The following COL17A1 variants were observed in gnomAD, a reference collection of about 807,000 sequenced individuals.
The protein encoded by COL17A1 is collagen alpha-1(XVII) chain.
COL17A1 carries 181 observed loss-of-function variants against 218.4 expected under a neutral mutation model. The observed-to-expected ratio is 0.83, with a 90% CI of 0.73 to 0.94. The LOEUF is 0.94. Ranked by LOEUF, COL17A1 falls within the 40% of genes least tolerant of loss-of-function variation. The pLI is 0.00. For missense variants in COL17A1, 1,924 were observed against 1,945.9 expected (o/e 0.99, Z 0.21); for synonymous variants, 721 against 731.0 (o/e 0.99, Z 0.22).
At chr10:104,049,681 C>T (rs924169125) in intron 28 of COL17A1, among the ~76,000 whole-genome samples, 3 of 152,204 alleles carry the variant, frequency 2.0e-5, no homozygotes, top group Non-Finnish European at 4.4e-5. Context: ...GTCTTATTTC[C>T]TTGGAAACTG....
chr10:104,053,229 C>T (rs1483468096), intron 22 of COL17A1, 94 bp from the exon 23 acceptor site: 1 of 1,419,802 alleles, frequency 7.0e-7, no homozygotes, highest in East Asian at 2.3e-5. Context: ...TTGCCTGGAG[C>T]CCTTCCCTGG....
chr10:104,053,116 G>T lies in COL17A1; in HGVS notation c.1854C>A (p.Gly618=), dbSNP rs776835387. The T allele has an allele frequency of 1.2e-6, 2 of 1,613,334 alleles. No homozygotes were observed. The highest frequency in any genetic ancestry group is 8.5e-7 in the Non-Finnish European group (1 of 1,180,032). The change falls in exon 23 of 56, where the codon GGC becomes GGA. Residue 618 remains glycine (G), a synonymous_variant. Coordinates refer to ENST00000648076, the MANE Select transcript of COL17A1 (RefSeq NM_000494.4). ...CTTCTCGCCCTCTCTGGCCCATGGG[G>T]CCTTCCATGCCAGGATCTCCTAAAG... The part of the protein sequence containing the change: ...KGSVGDPGME[G]PMGQRGREGP...
chr10:104,039,701 G>C (rs892617839), intron 41 of COL17A1, 61 bp from the exon 42 acceptor site: 123 of 1,611,372 alleles, frequency 7.6e-5, no homozygotes, highest in Non-Finnish European at 9.6e-5. Flanking sequence ...TAACAGCCCT[G>C]TAGAGCCTCC....
At chr10:104,069,018 A>G (rs1371221303) in intron 9 of COL17A1, among the ~76,000 whole-genome samples, 1 of 152,224 alleles carries the variant, frequency 6.6e-6, no homozygotes, top group Non-Finnish European at 1.5e-5. Flanking sequence ...GTGTGATGCA[A>G]TACTAAAAAA....
rs1188194788 is a variant in COL17A1, at chr10:104,074,074, A to G, written c.379+110T>C. On this transcript the variant is annotated intron_variant, in intron 6 of 55. Transcript: ENST00000648076. Reference sequence around the variant, plus strand: ...GTCAGCAGGGGTCAAACTCTTTTAGAAGAATCCATTTAACTCATGAGGTCC... The same window carrying G: ...GTCAGCAGGGGTCAAACTCTTTTAGGAGAATCCATTTAACTCATGAGGTCC... 1.9e-6 allele frequency: 3 copies of G among 1,556,036 alleles called. No individual in the cohort carries two copies. In the African/African-American group the frequency reaches 4.1e-5, roughly 21 times the overall value.
chr10:104,053,785 G>T, intron 22 of COL17A1, 135 bp downstream of exon 22: 1 of 707,524 alleles, frequency 1.4e-6, no homozygotes, highest in Non-Finnish European at 2.6e-6. Context: ...ACAACAGCAG[G>T]GTTTCTCTGT....
intron 48 of COL17A1, 53 bp downstream of exon 48, chr10:104,036,439 C>T: frequency 6.2e-7 from 1 of 1,611,990 alleles, no homozygotes; most frequent in South Asian, 1.1e-5. Flanking sequence ...GCTGCGAGTC[C>T]TCATCCCAGT....
intron 4 of COL17A1, 74 bp downstream of exon 4, chr10:104,077,348 T>C: frequency 8.6e-7 from 1 of 1,163,090 alleles, no homozygotes; most frequent in African/African-American, 1.5e-5. Context: ...CCCTGTGTCC[T>C]GTGTAGGACT....
At chr10:104,059,416 C>T (rs2086561111) in intron 15 of COL17A1, 2 of 595,834 alleles carry the variant, frequency 3.4e-6, no homozygotes, top group Non-Finnish European at 6.0e-6. Flanking sequence ...GCTTTTGCTT[C>T]AGTAATGCAA....
At chr10:104,055,120 C>T (rs746891981) in intron 19 of COL17A1, 113 bp from the exon 20 acceptor site, 123 of 1,554,188 alleles carry the variant, frequency 7.9e-5, no homozygotes, top group South Asian at 5.6e-4. Flanking sequence ...CAAGGTGAGG[C>T]GACATGCGGC....
chr10:104,034,071 C>T lies in COL17A1; in HGVS notation c.4030G>A (p.Gly1344Ser), dbSNP rs1414816184. 1.2e-6 allele frequency: 2 copies of T among 1,614,156 alleles called. No individual in the cohort carries two copies. Among genetic ancestry groups the T allele is most frequent in the African/African-American group, 1.3e-5 (1 of 75,062 alleles). Residue 1344 changes from glycine to serine, a missense_variant, in exon 52 of 56, where the codon GGC becomes AGC. Physicochemically the swap from Gly to Ser is moderately conservative, Grantham distance 56. Coordinates refer to ENST00000648076, the MANE Select transcript of COL17A1 (RefSeq NM_000494.4). ...RGPYGTDIGPGGGYGAAAEGG... is the reference protein window; with the variant it reads ...RGPYGTDIGPSGGYGAAAEGG... ...TCTGCTGCTGCCCCATAGCCTCCGC[C>T]TGGGCCGATGTCAGTGCCATAGGGA...
chr10:104,069,532 G>A (rs184365077), intron 9 of COL17A1, among the ~76,000 whole-genome samples: 31 of 152,254 alleles, frequency 2.0e-4, no homozygotes, highest in African/African-American at 6.7e-4. Flanking sequence ...ATGTCTCCCA[G>A]TAGCACTCCT....
At chr10:104,071,956 GCACA>G (rs112689627) in intron 8 of COL17A1, 72 bp downstream of exon 8, 260 of 1,398,134 alleles carry the variant, frequency 1.9e-4, no homozygotes, top group South Asian at 7.5e-4. Flanking sequence ...ACACACGCAT[GCACA>G]CACACACACA....
intron 48 of COL17A1, among the ~76,000 whole-genome samples, chr10:104,035,909 GGAGT>G (rs2086280395): frequency 6.1e-5 from 1 of 16,516 alleles, no homozygotes; most frequent in South Asian, 1.6e-3. Context: ...CGTGTGTATG[GGAGT>G]GTGTATGAGT....
chr10:104,044,676 G>A (rs778199932), intron 33 of COL17A1, among the ~76,000 whole-genome samples: 27 of 152,272 alleles, frequency 1.8e-4, no homozygotes, highest in Admixed American at 3.9e-4. Flanking sequence ...AGTTTGTTTT[G>A]TTGGGATGCA....
At position 104,038,492 on chromosome 10, in the gene COL17A1, G is replaced by A. The variant is rs2086325357; in HGVS notation, c.2984C>T (p.Pro995Leu). Residue 995 changes from proline to leucine, a missense_variant, in exon 45 of 56, where the codon CCA (proline) becomes CTA (leucine). Coordinates refer to ENST00000648076, the MANE Select transcript of COL17A1 (RefSeq NM_000494.4). ...AGGCCCAGGGGGCCCAGGGGGCCCTGGCGGGCCTGACACGTACATGGTACT... is the reference window on the plus strand; with the variant it reads ...AGGCCCAGGGGGCCCAGGGGGCCCTAGCGGGCCTGACACGTACATGGTACT... ...SSSTMYVSGP[P>L]GPPGPPGPPG... The A allele has an allele frequency of 3.7e-6, 6 of 1,613,750 alleles. No individual in the cohort carries two copies. The highest frequency in any genetic ancestry group is 5.1e-6 in the Non-Finnish European group (6 of 1,179,944).
intron 14 of COL17A1, 40 bp from the exon 15 acceptor site, chr10:104,059,758 T>C (rs1222213505): frequency 1.3e-6 from 2 of 1,583,964 alleles, no homozygotes; most frequent in Non-Finnish European, 1.7e-6. Flanking sequence ...TATTCTCTTC[T>C]CAACCTCTCA....
intron 11 of COL17A1, 169 bp downstream of exon 11, chr10:104,063,578 T>G (rs1385761476): frequency 9.4e-7 from 1 of 1,063,804 alleles, no homozygotes; most frequent in African/African-American, 1.6e-5. Flanking sequence ...GACTTTTCCC[T>G]TGGGGTCTGA....
Position 104,064,457 on chromosome 10 carries a change from A to T in COL17A1, c.747T>A (p.Asn249Lys), listed in dbSNP as rs1415947819. ...TTQSSSLLNT[N>K]AYSAGSVFGV... The stretch of plus-strand genomic sequence containing the variant: ...AGGTACCTGATCCCGCAGAGTAGGC[A>T]TTGGTGTTGAGGAGGGATGAGCTCT... Residue 249 changes from asparagine (N) to lysine (K), a missense_variant, in exon 10 of 56, where the codon AAT becomes AAA. Transcript: ENST00000648076. 3 of 1,614,146 alleles carry T rather than the reference A, an allele frequency of 1.9e-6. No homozygotes were observed. The highest frequency in any genetic ancestry group is 2.5e-6 in the Non-Finnish European group (3 of 1,180,012).
Sources: gnomAD v4.1 joint callset for allele counts (sites outside exome capture counted in the v4.1 genomes callset) on GRCh38, gnomAD v4.1.1 for gene constraint, MANE v1.5 for transcripts, NCBI Gene and HGNC (gene_info 2026-07-23, HGNC 2026-07-21) for gene names.